UBE2E2: variants seen among roughly 807,000 people sequenced by gnomAD.
UBE2E2 encodes ubiquitin-conjugating enzyme E2 E2.
In UBE2E2, 6 loss-of-function variants were observed where a neutral mutation model predicts 24.7. That is an observed-to-expected ratio of 0.24 (90% CI 0.13 to 0.48). The LOEUF is 0.48. Ranked by LOEUF, UBE2E2 falls within the 20% of genes least tolerant of loss-of-function variation. The pLI is 0.99. For synonymous variants in UBE2E2, 104 were observed against 83.6 expected, an observed-to-expected ratio of 1.24 and a Z score of -1.33; for missense variants, 169 against 245.0, an observed-to-expected ratio of 0.69 and a Z score of 2.07.
chr3:23,538,206 A>G (rs1025299165), intron 5 of UBE2E2, among the ~76,000 whole-genome samples: 2 of 152,172 alleles, frequency 1.3e-5, no homozygotes, highest in Non-Finnish European at 1.5e-5. Context: ...AGTGAAAAAT[A>G]TTAAGTAGAA....
intron 3 of UBE2E2, among the ~76,000 whole-genome samples, chr3:23,337,006 G>A (rs1392772179): frequency 1.3e-5 from 2 of 152,036 alleles, no homozygotes; most frequent in African/African-American, 4.8e-5. Flanking sequence ...CAGTGTGTTG[G>A]CACATGCCTG....
intron 3 of UBE2E2, among the ~76,000 whole-genome samples, chr3:23,259,315 T>C (rs913963109): frequency 3.3e-5 from 5 of 152,354 alleles, no homozygotes; most frequent in East Asian, 3.9e-4. Context: ...CGCTAAGTCT[T>C]ATATTTAAGT....
In UBE2E2 at chr3:23,560,568, T is replaced by C. The variant is rs548595778; in HGVS notation, c.508+27867T>C. On this transcript the variant is annotated intron_variant, in intron 5 of 5. Transcript: ENST00000396703. ...TTATAGCAGCAGGATTTATAATCCT[T>C]TGGGTATACGCCCAGTAATGGGATT... Among the ~76,000 whole-genome samples, 41 of 152,000 alleles carry C rather than the reference T, an allele frequency of 2.7e-4. 3 individuals are homozygous for C. The highest frequency in any genetic ancestry group is 6.8e-3 in the Middle Eastern group (2 of 292).
At chr3:23,477,699 A>G (rs186041739) in intron 3 of UBE2E2, among the ~76,000 whole-genome samples, 2 of 152,322 alleles carry the variant, frequency 1.3e-5, no homozygotes, top group East Asian at 3.9e-4. Context: ...GAAGAGTAAA[A>G]TACCTTTTTA....
intron 3 of UBE2E2, among the ~76,000 whole-genome samples, chr3:23,361,099 G>A (rs551196015): frequency 3.7e-4 from 57 of 152,136 alleles, no homozygotes; most frequent in African/African-American, 1.1e-3. Context: ...ACTGATTATC[G>A]GGAAAACGCA....
chr3:23,226,024 C>T (rs907957923), intron 3 of UBE2E2, among the ~76,000 whole-genome samples: 7 of 152,136 alleles, frequency 4.6e-5, no homozygotes, highest in African/African-American at 9.6e-5. Context: ...GAACTACAGG[C>T]GCATGCCACC....
At chr3:23,353,492 G>A (rs1440484158) in intron 3 of UBE2E2, among the ~76,000 whole-genome samples, 19 of 152,178 alleles carry the variant, frequency 1.2e-4, no homozygotes, top group Admixed American at 2.0e-4. Context: ...AAACCCCATC[G>A]TGTCAGCCCA....
chr3:23,441,184 G>A (rs1001652587), intron 3 of UBE2E2, among the ~76,000 whole-genome samples: 3 of 151,956 alleles, frequency 2.0e-5, no homozygotes, highest in African/African-American at 7.3e-5. Flanking sequence ...TGCAAGGTTG[G>A]CAGGCAACAA....
At chr3:23,567,741 A>G (rs1181367593) in intron 5 of UBE2E2, among the ~76,000 whole-genome samples, 1 of 152,212 alleles carries the variant, frequency 6.6e-6, no homozygotes, top group East Asian at 1.9e-4. Context: ...AAACTAAGTC[A>G]TCTTGACCAA....
intron 3 of UBE2E2, among the ~76,000 whole-genome samples, chr3:23,477,567 C>T (rs1442184688): frequency 2.6e-5 from 4 of 152,110 alleles, no homozygotes; most frequent in African/African-American, 9.7e-5. Context: ...TAGAACAGTG[C>T]CAACATATAG....
chr3:23,236,054 A>G (rs1697098439), intron 3 of UBE2E2, among the ~76,000 whole-genome samples: 1 of 152,118 alleles, frequency 6.6e-6, no homozygotes, highest in African/African-American at 2.4e-5. Flanking sequence ...AGCCCTCGTA[A>G]CATTCAGAAA....
chr3:23,254,323 G>A (rs562281604), intron 3 of UBE2E2, among the ~76,000 whole-genome samples: 6 of 152,318 alleles, frequency 3.9e-5, no homozygotes, highest in African/African-American at 1.4e-4. Flanking sequence ...TGGGGAAGAG[G>A]TAATTTTGAC....
chr3:23,463,268 G>A (rs748512965), intron 3 of UBE2E2, among the ~76,000 whole-genome samples: 39 of 152,102 alleles, frequency 2.6e-4, no homozygotes, highest in Non-Finnish European at 4.6e-4. Context: ...ACAATAAGGT[G>A]GGAATGATTA....
intron 3 of UBE2E2, among the ~76,000 whole-genome samples, chr3:23,378,236 T>TAA (rs56808350): frequency 0.065 from 7,605 of 117,448 alleles, 393 homozygotes; most frequent in Non-Finnish European, 0.08. Flanking sequence ...AAATAAGCAG[T>TAA]AAAAAAAAAA....
intron 3 of UBE2E2, among the ~76,000 whole-genome samples, chr3:23,329,457 G>A (rs1695003021): frequency 1.3e-5 from 2 of 152,208 alleles, no homozygotes; most frequent in Admixed American, 1.3e-4. Context: ...CAGACAGTTG[G>A]TATTTAGGCA....
chr3:23,397,343 T>A (rs1697102772), intron 3 of UBE2E2, among the ~76,000 whole-genome samples: 1 of 152,186 alleles, frequency 6.6e-6, no homozygotes, highest in African/African-American at 2.4e-5. Context: ...TACTAATAAG[T>A]AATTACTGGT....
chr3:23,302,244 C>T (rs1699117970), intron 3 of UBE2E2, among the ~76,000 whole-genome samples: 1 of 152,146 alleles, frequency 6.6e-6, no homozygotes, highest in Admixed American at 6.5e-5. Context: ...GTTCTTATTT[C>T]CTGCCTGCAA....
rs398051684 is a variant in UBE2E2, at chr3:23,246,222, A to ATTTTTTTTTTTTTTT, written c.227+28911_227+28925dup. Reference sequence around the variant, plus strand: ...AGGTGTATGCCACCATGCGTGGCTAATTTTTTTTTTTTTTTCGAGATGGAG... The same window carrying ATTTTTTTTTTTTTTT: ...AGGTGTATGCCACCATGCGTGGCTAATTTTTTTTTTTTTTTTTTTTTTTTTTTTTTCGAGATGGAG... On this transcript the variant is annotated intron_variant, in intron 3 of 5. Transcript: ENST00000396703. Among the ~76,000 whole-genome samples the ATTTTTTTTTTTTTTT allele has an allele frequency of 7.8e-5, 8 of 102,208 alleles. 2 individuals are homozygous for ATTTTTTTTTTTTTTT. Among genetic ancestry groups the ATTTTTTTTTTTTTTT allele is most frequent in the Admixed American group, 1.9e-4 (2 of 10,758 alleles). 67.1% of individuals were successfully genotyped at this position (102,208 alleles called of 152,430 possible).
At chr3:23,358,995 T>C (rs1696040823) in intron 3 of UBE2E2, among the ~76,000 whole-genome samples, 3 of 152,218 alleles carry the variant, frequency 2.0e-5, no homozygotes. Context: ...CTTTTCATTA[T>C]ACTGTTTTTG....
Sources: gnomAD v4.1 joint callset for allele counts (sites outside exome capture counted in the v4.1 genomes callset) on GRCh38, gnomAD v4.1.1 for gene constraint, MANE v1.5 for transcripts, NCBI Gene and HGNC (gene_info 2026-07-23, HGNC 2026-07-21) for gene names.